UNC79: variants seen among roughly 807,000 people sequenced by gnomAD.
The protein encoded by UNC79 is protein unc-79 homolog.
Under a neutral mutation model 283.1 loss-of-function variants are expected in UNC79, and 37 were observed. The ratio of observed to expected loss-of-function variants is 0.13; its 90% CI spans 0.10 to 0.17. UNC79 has a LOEUF of 0.17. UNC79 is among the 10% of genes least tolerant of loss of function. UNC79 has a pLI of 1.00. For synonymous variants in UNC79, 1,107 were observed against 1,200.2 expected (o/e 0.92, Z 1.61); for missense variants, 2,272 against 3,211.1 (o/e 0.71, Z 7.07).
At chr14:93,506,905 A>G (rs931161203) in intron 7 of UNC79, among the ~76,000 whole-genome samples, 3 of 152,204 alleles carry the variant, frequency 2.0e-5, no homozygotes, top group Non-Finnish European at 2.9e-5. Flanking sequence ...TGCCTTTTCC[A>G]AACACCATCC....
At chr14:93,671,100 A>G (rs2072804198) in intron 40 of UNC79, among the ~76,000 whole-genome samples, 1 of 152,228 alleles carries the variant, frequency 6.6e-6, no homozygotes, top group South Asian at 2.1e-4. Context: ...ATATATTGTT[A>G]AGCTGTTGAG....
At chr14:93,571,239 G>A (rs946956380) in intron 14 of UNC79, among the ~76,000 whole-genome samples, 10 of 152,078 alleles carry the variant, frequency 6.6e-5, no homozygotes, top group Non-Finnish European at 1.0e-4. Context: ...TAGAATATAC[G>A]ATCTCTAACA....
intron 2 of UNC79, among the ~76,000 whole-genome samples, chr14:93,469,346 A>G (rs1729059936): frequency 1.3e-5 from 2 of 152,294 alleles, no homozygotes; most frequent in South Asian, 2.1e-4. Context: ...TTCATTTTCA[A>G]ACGGAGGCAA....
chr14:93,522,979 GAATTAT>G (rs983655004), intron 7 of UNC79, among the ~76,000 whole-genome samples: 14 of 152,054 alleles, frequency 9.2e-5, no homozygotes, highest in African/African-American at 3.4e-4. Flanking sequence ...ATATATTTTT[GAATTAT>G]AATTGAATAT....
At chr14:93,639,465 C>CA (rs893099195) in intron 32 of UNC79, among the ~76,000 whole-genome samples, 2 of 152,144 alleles carry the variant, frequency 1.3e-5, no homozygotes, top group African/African-American at 4.8e-5. Context: ...AATCAGTGTA[C>CA]ATTTATGCTT....
chr14:93,500,343 G>A (rs2059221184), intron 7 of UNC79, among the ~76,000 whole-genome samples: 1 of 152,128 alleles, frequency 6.6e-6, no homozygotes, highest in Non-Finnish European at 1.5e-5. Flanking sequence ...CATTCTTTCA[G>A]CAGTCTGTTA....
In UNC79 at chr14:93,440,628, A is replaced by T. The variant is rs1282985615; in HGVS notation, c.22+9577A>T. Among the ~76,000 whole-genome samples the T allele has an allele frequency of 2.6e-5, 4 of 151,276 alleles. No individual in the cohort carries two copies. In the East Asian group the frequency reaches 7.8e-4, roughly 29 times the overall value. On this transcript the variant is annotated intron_variant, in intron 1 of 48. Transcript: ENST00000555664. The stretch of plus-strand genomic sequence containing the variant: ...GTAGCCTACAGATTCTGGTAATGTC[A>T]GGCTTTATTATAACTATTTTCAAGA...
intron 47 of UNC79, among the ~76,000 whole-genome samples, chr14:93,697,456 A>G (rs527953801): frequency 6.6e-6 from 1 of 152,294 alleles, no homozygotes; most frequent in African/African-American, 2.4e-5. Context: ...CTATTTTTAT[A>G]ACACACTGTC....
intron 1 of UNC79, among the ~76,000 whole-genome samples, chr14:93,351,354 TTTTTG>T (rs938611099): frequency 8.7e-4 from 133 of 152,308 alleles, no homozygotes; most frequent in African/African-American, 3.1e-3. Context: ...ATGAACACAT[TTTTTG>T]TTTTGGTGAA....
exon 1 of UNC79, chr14:93,333,246 C>CGTCGGGTCGCTGGGAGTCGGGA (rs2139853103): frequency 7.5e-6 from 3 of 402,208 alleles, no homozygotes; most frequent in Non-Finnish European, 1.3e-5. Flanking sequence ...GGGAGCCGGG[C>CGTCGGGTCGCTGGGAGTCGGGA]GTCGGGTCGC....
rs183161334 is a variant in UNC79 at position 93,696,097 on chromosome 14, A to G, written c.7548+1685A>G. ...CTTCTTTTGCCTTCTTTCACTTGTAATAATTATATTGCGATTAATCCATGT... is the reference window on the plus strand; with the variant it reads ...CTTCTTTTGCCTTCTTTCACTTGTAGTAATTATATTGCGATTAATCCATGT... On this transcript the variant is annotated intron_variant, in intron 47 of 48. Transcript: ENST00000555664. 5.5e-4 allele frequency among the ~76,000 whole-genome samples: 84 copies of G among 152,166 alleles called. 1 individual carries two copies. The highest frequency in any genetic ancestry group is 3.4e-3 in the Middle Eastern group (1 of 294).
At chr14:93,418,560 CA>C (rs2055516442) in intron 1 of UNC79, among the ~76,000 whole-genome samples, 1 of 151,762 alleles carries the variant, frequency 6.6e-6, no homozygotes, top group Admixed American at 6.6e-5. Context: ...AGCTGTCAGA[CA>C]GGGACATTTA....
chr14:93,605,342 A>G (rs559253074), intron 26 of UNC79, among the ~76,000 whole-genome samples: 66 of 152,336 alleles, frequency 4.3e-4, no homozygotes, highest in African/African-American at 1.6e-3. Flanking sequence ...ACATTTTAAA[A>G]GGTTATACAT....
chr14:93,667,252 A>G (rs1469372642), intron 40 of UNC79, among the ~76,000 whole-genome samples: 1 of 147,364 alleles, frequency 6.8e-6, no homozygotes, highest in African/African-American at 2.7e-5. Context: ...AAGGAAGGAA[A>G]GAAGGAAGGA....
At chr14:93,556,825 A>C (rs1449853312) in intron 14 of UNC79, among the ~76,000 whole-genome samples, 5 of 152,238 alleles carry the variant, frequency 3.3e-5, no homozygotes, top group African/African-American at 1.2e-4. Context: ...CTTTAAAAAA[A>C]ACTCTTTTAA....
chr14:93,432,293 C>T (rs1248610910), intron 1 of UNC79, among the ~76,000 whole-genome samples: 2 of 152,188 alleles, frequency 1.3e-5, no homozygotes, highest in African/African-American at 4.8e-5. Flanking sequence ...CCACCTACCA[C>T]CCAGTGCTTT....
intron 4 of UNC79, among the ~76,000 whole-genome samples, chr14:93,480,875 G>A (rs1014327980): frequency 1.6e-4 from 24 of 152,262 alleles, no homozygotes; most frequent in African/African-American, 5.8e-4. Context: ...TGTATGTCCT[G>A]AGTACTTGAT....
intron 32 of UNC79, among the ~76,000 whole-genome samples, 182 bp from the exon 36 acceptor site, chr14:93,640,963 A>G (rs775881863): frequency 6.6e-6 from 1 of 152,182 alleles, no homozygotes; most frequent in Non-Finnish European, 1.5e-5. Flanking sequence ...CCAAGCAGAA[A>G]CAAATCACAA....
chr14:93,558,646 C>CTTTTTTTTTT (rs1389864430), intron 14 of UNC79, among the ~76,000 whole-genome samples: 2 of 92,062 alleles, frequency 2.2e-5, no homozygotes, highest in African/African-American at 9.8e-5. Flanking sequence ...TTACCATTTA[C>CTTTTTTTTTT]TTAACTGGTT....
Sources: allele counts gnomAD v4.1 joint callset (sites outside exome capture counted in the v4.1 genomes callset), GRCh38; gene constraint gnomAD v4.1.1; transcripts MANE v1.5; gene names NCBI Gene and HGNC (gene_info 2026-07-23, HGNC 2026-07-21).